DHX37: variants seen among roughly 807,000 people sequenced by gnomAD.
DHX37 encodes probable ATP-dependent RNA helicase DHX37.
DHX37 carries 52 observed loss-of-function variants against 134.3 expected under a neutral mutation model. The observed-to-expected ratio is 0.39, with a 90% CI of 0.31 to 0.49. DHX37 has a LOEUF of 0.49. Among genes scored for constraint, DHX37 ranks in the 20% least tolerant of loss-of-function variants. DHX37 has a pLI of 0.93. For synonymous variants in DHX37, 634 were observed against 670.7 expected, an observed-to-expected ratio of 0.95 and a Z score of 0.85; for missense variants, 1,344 against 1,580.8, an observed-to-expected ratio of 0.85 and a Z score of 2.54.
chr12:124,980,734 T>TA lies in DHX37; in HGVS notation c.493_494insT (p.Glu165ValfsTer22). The TA allele has an allele frequency of 6.4e-7, 1 of 1,556,066 alleles. No individual in the cohort carries two copies. The highest frequency in any genetic ancestry group is 8.7e-7 in the Non-Finnish European group (1 of 1,152,304). On this transcript the variant is annotated frameshift_variant, in exon 4 of 27. Transcript: ENST00000308736. LOFTEE classifies it high-confidence loss of function. The surrounding 1 kb of genome is among the most constrained non-coding windows in gnomAD (Gnocchi z 5.3). ...CAGCTCCGATTCCGACTCCTCCTCC[T>TA]CCTCCTCCTCCTCCTCAGCTGAGGG...
At chr12:124,976,506 G>C (rs753483835) in intron 5 of DHX37, among the ~76,000 whole-genome samples, 1 of 152,128 alleles carries the variant, frequency 6.6e-6, no homozygotes, top group Non-Finnish European at 1.5e-5. Context: ...GAGGTCAGGA[G>C]TTCAAGACCA....
chr12:124,963,945 C>G (rs10846788), intron 15 of DHX37, among the ~76,000 whole-genome samples: 54,899 of 146,198 alleles, frequency 0.38, 10,738 homozygotes, highest in East Asian at 0.65. Context: ...CTCACCTGAA[C>G]TCAGGAGTTC....
At chr12:124,952,267 G>T in intron 21 of DHX37, 131 bp downstream of exon 21, 1 of 903,428 alleles carries the variant, frequency 1.1e-6, no homozygotes, top group Non-Finnish European at 1.6e-6. Flanking sequence ...TCTACTGCAA[G>T]CCCCACTTGT....
At chr12:124,948,249 A>G (rs1033476265) in intron 25 of DHX37, 68 bp from the exon 26 acceptor site, 1 of 1,552,428 alleles carries the variant, frequency 6.4e-7, no homozygotes, top group African/African-American at 1.4e-5. Flanking sequence ...TGGGGGCCCG[A>G]AAGCAGGGCA....
chr12:124,965,564 C>A, intron 13 of DHX37, 104 bp downstream of exon 13: 1 of 1,453,824 alleles, frequency 6.9e-7, no homozygotes. Flanking sequence ...GCATCGGGGA[C>A]AAAGCTGCTA....
intron 1 of DHX37, among the ~76,000 whole-genome samples, chr12:124,987,713 C>T (rs961708327): frequency 1.6e-4 from 24 of 152,192 alleles, no homozygotes; most frequent in Non-Finnish European, 2.6e-4. Flanking sequence ...TTAAATATCC[C>T]TTTCCAGAAA....
At chr12:124,958,106 G>A (rs1315311470) in intron 16 of DHX37, among the ~76,000 whole-genome samples, 4 of 152,240 alleles carry the variant, frequency 2.6e-5, no homozygotes, top group African/African-American at 9.6e-5. Context: ...GACAGATAAA[G>A]GGTACATGCT....
At chr12:124,981,766 A>G (rs757681451) in intron 3 of DHX37, among the ~76,000 whole-genome samples, 2 of 151,578 alleles carry the variant, frequency 1.3e-5, no homozygotes, top group Non-Finnish European at 2.9e-5. Flanking sequence ...CGCTGTTTGC[A>G]GTAATTTGTT....
intron 6 of DHX37, among the ~76,000 whole-genome samples, chr12:124,974,892 T>G (rs570619195): frequency 6.6e-6 from 1 of 152,206 alleles, no homozygotes; most frequent in East Asian, 1.9e-4. Context: ...TTCTCCTGCC[T>G]TAACCTCCCG....
chr12:124,972,646 G>A (rs1954545165), intron 6 of DHX37, 47 bp from the exon 7 acceptor site: 5 of 1,601,140 alleles, frequency 3.1e-6, no homozygotes, highest in African/African-American at 1.3e-5. Context: ...CCTGGCTGGG[G>A]CTGTCGCCAC....
chr12:124,979,478 C>T (rs1055855611), intron 4 of DHX37, among the ~76,000 whole-genome samples: 3 of 152,136 alleles, frequency 2.0e-5, no homozygotes, highest in Non-Finnish European at 4.4e-5. Flanking sequence ...CGTGAATACT[C>T]GATAGCAGTG....
At chr12:124,974,672 G>A (rs545910705) in intron 6 of DHX37, among the ~76,000 whole-genome samples, 6 of 151,882 alleles carry the variant, frequency 4.0e-5, no homozygotes, top group African/African-American at 1.4e-4. Flanking sequence ...TTAGACACAG[G>A]CCTCTGCATT....
Position 124,977,461 on chromosome 12 carries a change from G to A in DHX37, c.768C>T (p.Ser256=), listed in dbSNP as rs367674133. The change falls in exon 5 of 27, where the codon TCC becomes TCT. Residue 256 remains serine (S), a synonymous_variant. Transcript: ENST00000308736. ...CAGCCTCCATGATTACTTGTTCTTC[G>A]GAGAGAATTGGGAGCTTCAGCCGTT... ...QEERLKLPIL[S]EEQVIMEAVA... The A allele has an allele frequency of 1.5e-4, 245 of 1,609,494 alleles. No individual in the cohort carries two copies. Among genetic ancestry groups the A allele is most frequent in the Middle Eastern group, 5.0e-4 (3 of 6,030 alleles).
intron 21 of DHX37, among the ~76,000 whole-genome samples, chr12:124,951,050 C>A (rs573498927): frequency 6.6e-6 from 1 of 152,310 alleles, no homozygotes; most frequent in East Asian, 1.9e-4. Flanking sequence ...GAGGGTGGAT[C>A]ATCTGAGGTC....
intron 15 of DHX37, among the ~76,000 whole-genome samples, chr12:124,961,370 G>C (rs1376097322): frequency 6.6e-6 from 1 of 152,068 alleles, no homozygotes; most frequent in South Asian, 2.1e-4. Context: ...CGGATTAGGA[G>C]AAAATATTTG....
chr12:124,979,408 A>G (rs142727325), intron 4 of DHX37, among the ~76,000 whole-genome samples: 101 of 152,292 alleles, frequency 6.6e-4, no homozygotes, highest in African/African-American at 2.3e-3. Context: ...AGATAACAGC[A>G]AAAAGCTAAA....
At chr12:124,953,777 C>G (rs1428615582) in intron 20 of DHX37, 103 bp downstream of exon 20, 1 of 1,491,072 alleles carries the variant, frequency 6.7e-7, no homozygotes, top group African/African-American at 1.4e-5. Flanking sequence ...TGGTGCGTAG[C>G]AAGTTTGCAA....
chr12:124,948,150 C>T lies in DHX37; in HGVS notation c.3322G>A (p.Ala1108Thr). The change falls in exon 26 of 27, where the codon GCC (alanine) becomes ACC (threonine). Residue 1108 changes from alanine to threonine, a missense_variant. Transcript: ENST00000308736. Reference sequence around the variant, plus strand: ...CAGTCAGCCTTCTCTGCAACCAGGGCTCGCAGAAGGCTCTCCGTACGGGGC... The same window carrying T: ...CAGTCAGCCTTCTCTGCAACCAGGGTTCGCAGAAGGCTCTCCGTACGGGGC... ...LQPRTESLLR[A>T]LVAEKADCHE... The T allele has an allele frequency of 2.5e-6, 4 of 1,614,246 alleles. No homozygotes were observed. The highest frequency in any genetic ancestry group is 2.5e-6 in the Non-Finnish European group (3 of 1,180,048).
At chr12:124,968,106 G>A (rs933320667) in intron 10 of DHX37, among the ~76,000 whole-genome samples, 3 of 151,654 alleles carry the variant, frequency 2.0e-5, no homozygotes, top group South Asian at 2.1e-4. Context: ...GGCTGGAAGC[G>A]ATCACAATCT....
Sources: allele counts gnomAD v4.1 joint callset (sites outside exome capture counted in the v4.1 genomes callset), GRCh38; gene constraint gnomAD v4.1.1; non-coding constraint Gnocchi (gnomAD v3.1); transcripts MANE v1.5; gene names NCBI Gene and HGNC (gene_info 2026-07-23, HGNC 2026-07-21).